Variants in TTBK1 observed in about 807,000 individuals in gnomAD.
TTBK1 encodes the protein tau tubulin kinase 1, also known as tau-tubulin kinase 1.
In TTBK1, 34 loss-of-function variants were observed where a neutral mutation model predicts 108.5. The observed-to-expected ratio is 0.31, with a 90% confidence interval of 0.24 to 0.42. TTBK1 has a LOEUF of 0.42. Ranked by LOEUF, TTBK1 falls within the 10% of genes least tolerant of loss-of-function variation. The pLI, the probability that TTBK1 is intolerant of heterozygous loss-of-function variation, is 1.00. For synonymous variants in TTBK1, 809 were observed against 795.1 expected (o/e 1.02, Z -0.29); for missense variants, 1,539 against 1,826.0 (o/e 0.84, Z 2.86).
chr6:43,254,158 G>A (rs12204749), intron 5 of TTBK1, among the ~76,000 whole-genome samples: 1 of 152,124 alleles, frequency 6.6e-6, no homozygotes, highest in African/African-American at 2.4e-5. Context: ...GCCCAGAAAG[G>A]TTAGTTGAAA....
chr6:43,272,432 G>A, intron 13 of TTBK1: 1 of 985,470 alleles, frequency 1.0e-6, no homozygotes. Context: ...GGAAGTGGGA[G>A]ATCCAGCATT....
chr6:43,283,594 G>A lies in TTBK1; in HGVS notation c.2854G>A (p.Glu952Lys). The A allele has an allele frequency of 6.2e-7, 1 of 1,614,168 alleles. No homozygotes were observed. The highest frequency in any genetic ancestry group is 1.1e-5 in the South Asian group (1 of 91,084). ...TTCCGGTGGACAAGCCTTGCGGTCT[G>A]AGGAGTTCAGCGCTGGGGGCGAGCT... is the stretch of plus-strand genomic sequence containing the variant. Reference protein sequence around the residue: ...MSSGGQALRSEEFSAGGELGL... With the variant: ...MSSGGQALRSKEFSAGGELGL... Residue 952 changes from glutamate to lysine, a missense_variant, in exon 14 of 15, where the codon GAG becomes AAG. By Grantham distance (56) the Glu-to-Lys change is moderately conservative. Around this residue, in one of 5 missense-constraint regions of TTBK1, gnomAD observed 1,055 missense variants for 1,086.5 expected, o/e 0.97. Coordinates refer to ENST00000259750, the MANE Select transcript of TTBK1 (RefSeq NM_032538.3). The surrounding 1 kb of genome is among the most constrained non-coding windows in gnomAD (Gnocchi z 8.1).
At chr6:43,258,026 G>A (rs1777425204) in intron 10 of TTBK1, 60 bp downstream of exon 10, 2 of 1,562,006 alleles carry the variant, frequency 1.3e-6, no homozygotes, top group Admixed American at 1.7e-5. Context: ...AAGAGGGCAG[G>A]CGGTCCTCTC....
chr6:43,283,236 C>T lies in TTBK1; in HGVS notation c.2496C>T (p.Gly832=). ...ATGGGGACCTGGAGCCTGAGGAGGG[C>T]TCCAAAACGCTGGTGCTTGTCTCTC... is the stretch of plus-strand genomic sequence containing the variant. ...MADGDLEPEE[G]SKTLVLVSPG... Residue 832 remains glycine (G), a synonymous_variant, in exon 14 of 15, where the codon GGC becomes GGT. Transcript: ENST00000259750. This position sits in a 1 kb window ranked among gnomAD's most constrained non-coding sequence, Gnocchi z 8.1. 6.4e-7 allele frequency: 1 copy of T among 1,551,980 alleles called. No homozygotes were observed. The highest frequency in any genetic ancestry group is 8.7e-7 in the Non-Finnish European group (1 of 1,148,080).
In TTBK1 at chr6:43,269,132, C is replaced by T. The variant is rs912600608; in HGVS notation, c.1986+5782C>T. Among the ~76,000 whole-genome samples the T allele has an allele frequency of 1.3e-5, 2 of 152,230 alleles. No individual in the cohort carries two copies. The highest frequency in any genetic ancestry group is 2.4e-5 in the African/African-American group (1 of 41,462). ...AGTACCACCTTATGCCGCATGGTCA[C>T]CCCGATCCCAACACCTCCCTGTGAT... is the stretch of plus-strand genomic sequence containing the variant. On this transcript the variant is annotated intron_variant, in intron 13 of 14. Transcript: ENST00000259750. The surrounding 1 kb of genome is among the most constrained non-coding windows in gnomAD (Gnocchi z 4.8).
intron 2 of TTBK1, 99 bp downstream of exon 2, chr6:43,246,867 A>C (rs1436392933): frequency 1.1e-6 from 1 of 894,850 alleles, no homozygotes; most frequent in Non-Finnish European, 1.7e-6. Flanking sequence ...CCCTACCCTA[A>C]GAGGGAGGTG....
At chr6:43,278,414 G>A (rs188379687) in intron 13 of TTBK1, among the ~76,000 whole-genome samples, 3 of 152,220 alleles carry the variant, frequency 2.0e-5, no homozygotes, top group Admixed American at 6.5e-5. Flanking sequence ...CCCCACAGCC[G>A]AACCCTTACC....
intron 13 of TTBK1, among the ~76,000 whole-genome samples, chr6:43,281,330 C>T (rs1778154992): frequency 6.8e-6 from 1 of 148,118 alleles, no homozygotes; most frequent in South Asian, 2.1e-4. Context: ...GAGCCGAGAT[C>T]GTGCCACTGC....
intron 13 of TTBK1, among the ~76,000 whole-genome samples, chr6:43,266,537 T>C (rs1777679769): frequency 6.6e-6 from 1 of 152,108 alleles, no homozygotes; most frequent in South Asian, 2.1e-4. Context: ...AGCTGGTAAG[T>C]GTTAGCAACG....
At chr6:43,271,105 G>A in intron 13 of TTBK1, 1 of 985,460 alleles carries the variant, frequency 1.0e-6, no homozygotes, top group African/African-American at 1.7e-5. Flanking sequence ...TATTCATCCT[G>A]CCCATGTCAG....
Position 43,282,753 on chromosome 6 carries a change from G to A in TTBK1, c.2013G>A (p.Glu671=), listed in dbSNP as rs375426468. Reference sequence around the variant, plus strand: ...TGTTCTCCGTGGCGCCCCCATTTGAGGTGAATGGCCTCCCACGAGCTGTGC... The same window carrying A: ...TGTTCTCCGTGGCGCCCCCATTTGAAGTGAATGGCCTCCCACGAGCTGTGC... The part of the protein sequence containing the change: ...RQVFSVAPPF[E]VNGLPRAVPL... The change falls in exon 14 of 15, where the codon GAG becomes GAA. Residue 671 remains glutamate, a synonymous_variant. Coordinates refer to ENST00000259750, the MANE Select transcript of TTBK1 (RefSeq NM_032538.3). The surrounding 1 kb of genome is among the most constrained non-coding windows in gnomAD (Gnocchi z 5.4). 5.6e-6 allele frequency: 9 copies of A among 1,610,250 alleles called. No homozygotes were observed. The highest frequency in any genetic ancestry group is 4.4e-5 in the South Asian group (4 of 90,944).
At chr6:43,247,307 C>G (rs1013444805) in intron 2 of TTBK1, among the ~76,000 whole-genome samples, 5 of 152,220 alleles carry the variant, frequency 3.3e-5, no homozygotes, top group Non-Finnish European at 7.3e-5. Flanking sequence ...CCGGCGTGCC[C>G]TGCTCCTCCA....
At position 43,257,016 on chromosome 6, in the gene TTBK1, C is replaced by T. The variant is rs549565953; in HGVS notation, c.862-796C>T. On this transcript the variant is annotated intron_variant, in intron 9 of 14. Transcript: ENST00000259750. The surrounding 1 kb of genome is among the most constrained non-coding windows in gnomAD (Gnocchi z 4.5). ...GCAGTGTTCTGCCTGGGATCCACTA[C>T]ACGCCAGGCACGATGCTGCATACTG... Among the ~76,000 whole-genome samples the T allele has an allele frequency of 4.6e-5, 7 of 152,306 alleles. No homozygotes were observed. Among genetic ancestry groups the T allele is most frequent in the African/African-American group, 1.2e-4 (5 of 41,568 alleles).
intron 13 of TTBK1, among the ~76,000 whole-genome samples, chr6:43,264,098 T>C: frequency 6.6e-6 from 1 of 152,266 alleles, no homozygotes; most frequent in East Asian, 1.9e-4. Context: ...AATACAATGA[T>C]CTGACCAGTG....
intron 1 of TTBK1, among the ~76,000 whole-genome samples, chr6:43,244,321 G>A (rs1777033174): frequency 6.6e-6 from 1 of 152,000 alleles, no homozygotes; most frequent in Admixed American, 6.6e-5. Context: ...ACACACACCT[G>A]CTGACACCTT....
At chr6:43,266,547 G>C (rs112637966) in intron 13 of TTBK1, among the ~76,000 whole-genome samples, 2 of 152,162 alleles carry the variant, frequency 1.3e-5, no homozygotes, top group African/African-American at 4.8e-5. Context: ...TGTTAGCAAC[G>C]GGACTTGAAC....
At position 43,257,806 on chromosome 6, in the gene TTBK1, C is replaced by T; in HGVS notation, c.862-6C>T. On this transcript the variant is annotated splice_polypyrimidine_tract_variant and splice_region_variant and intron_variant, in intron 9 of 14. Transcript: ENST00000259750. The surrounding 1 kb of genome is among the most constrained non-coding windows in gnomAD (Gnocchi z 4.5). ...TCTGTCCTCCCATCACCCTCACCCC[C>T]TGCAGTTGATCATGTCAGTGTTTGA... 2 of 1,612,430 alleles carry T rather than the reference C, an allele frequency of 1.2e-6. No individual in the cohort carries two copies. Among genetic ancestry groups the T allele is most frequent in the South Asian group, 2.2e-5 (2 of 90,886 alleles).
chr6:43,249,050 G>T (rs953220150), intron 2 of TTBK1, among the ~76,000 whole-genome samples: 7 of 152,052 alleles, frequency 4.6e-5, no homozygotes, highest in African/African-American at 1.7e-4. Context: ...TAGCTAATTT[G>T]CCAAATTTCC....
Position 43,253,842 on chromosome 6 carries a change from C to A in TTBK1, c.471+134C>A, listed in dbSNP as rs1185137644. ...TGGGACAGCCTCTTCTCCCCAAGCC[C>A]CTCCTGCTCTCCTTCCCAGGCCCCA... On this transcript the variant is annotated intron_variant, in intron 5 of 14. Transcript: ENST00000259750. This position sits in a 1 kb window ranked among gnomAD's most constrained non-coding sequence, Gnocchi z 5.8. The A allele has an allele frequency of 1.7e-6, 2 of 1,193,946 alleles. No homozygotes were observed. The highest frequency in any genetic ancestry group is 2.3e-6 in the Non-Finnish European group (2 of 876,282). The allele number at this position is 1,193,946 out of a possible 1,614,324, so 74.0% of individuals were successfully genotyped here. A position where few individuals can be genotyped will look rare whatever the true frequency, so the allele number is the denominator to read the frequency against.
Sources: allele counts gnomAD v4.1 joint callset (sites outside exome capture counted in the v4.1 genomes callset), GRCh38; gene constraint gnomAD v4.1.1; regional missense constraint gnomAD v4.1.1; non-coding constraint Gnocchi (gnomAD v3.1); transcripts MANE v1.5; gene names NCBI Gene and HGNC (gene_info 2026-07-23, HGNC 2026-07-21).